The following IARS1 variants were observed in gnomAD, a reference collection of about 807,000 sequenced individuals.
IARS1 encodes isoleucine--tRNA ligase, cytoplasmic.
IARS1 carries 124 observed loss-of-function variants against 168.2 expected under a neutral mutation model. The ratio of observed to expected loss-of-function variants is 0.74; its 90% confidence interval spans 0.64 to 0.86. The LOEUF is 0.86. Among genes scored for constraint, IARS1 ranks in the 40% least tolerant of loss-of-function variants. The pLI, the probability that IARS1 is intolerant of heterozygous loss-of-function variation, is 0.00. For missense variants in IARS1, 1,452 were observed against 1,515.8 expected (o/e 0.96, Z 0.70); for synonymous variants, 532 against 529.4 (o/e 1.00, Z -0.07).
chr9:92,273,044 A>AT, intron 10 of IARS1, among the ~76,000 whole-genome samples: 1 of 151,062 alleles, frequency 6.6e-6, no homozygotes, highest in African/African-American at 2.4e-5. Flanking sequence ...AGGCAGGAGA[A>AT]TCGCTTGAAC....
chr9:92,292,128 C>T (rs1255002613), intron 1 of IARS1, among the ~76,000 whole-genome samples: 1 of 151,184 alleles, frequency 6.6e-6, no homozygotes, highest in African/African-American at 2.4e-5. Context: ...GGTGTTCCTC[C>T]CAGTTTAGCC....
At chr9:92,259,355 T>A (rs1831197423) in intron 18 of IARS1, among the ~76,000 whole-genome samples, 1 of 152,136 alleles carries the variant, frequency 6.6e-6, no homozygotes, top group Non-Finnish European at 1.5e-5. Context: ...GGACACGACC[T>A]GCATCTGCTG....
At chr9:92,272,008 A>T (rs549350267) in intron 10 of IARS1, among the ~76,000 whole-genome samples, 1 of 152,362 alleles carries the variant, frequency 6.6e-6, no homozygotes, top group Non-Finnish European at 1.5e-5. Flanking sequence ...CCACACAGGA[A>T]TGTTTTAAAA....
At chr9:92,268,643 A>G (rs1832623143) in intron 13 of IARS1, among the ~76,000 whole-genome samples, 1 of 152,162 alleles carries the variant, frequency 6.6e-6, no homozygotes, top group Admixed American at 6.5e-5. Context: ...TCACCATAGC[A>G]GTTTTTCTGA....
At chr9:92,254,863 C>T (rs192476933) in intron 20 of IARS1, among the ~76,000 whole-genome samples, 23 of 152,296 alleles carry the variant, frequency 1.5e-4, no homozygotes, top group Admixed American at 1.4e-3. Flanking sequence ...GACTTAAACA[C>T]GGCCCACAAA....
intron 20 of IARS1, among the ~76,000 whole-genome samples, chr9:92,254,867 C>T (rs920995943): frequency 3.3e-5 from 5 of 152,146 alleles, no homozygotes; most frequent in African/African-American, 1.2e-4. Context: ...TAAACACGGC[C>T]CACAAAACGT....
In IARS1 at chr9:92,256,183, C is replaced by CT. The variant is rs773558436; in HGVS notation, c.2137+496dup. On this transcript the variant is annotated intron_variant, in intron 20 of 33. Transcript: ENST00000443024. ...CCCCTAAAGACAGAATTCCCCAGGGCTTTTTTTTTTTTTTTAAGATGGAGT... is the reference window on the plus strand; with the variant it reads ...CCCCTAAAGACAGAATTCCCCAGGGCTTTTTTTTTTTTTTTTAAGATGGAGT... 2.2e-3 allele frequency among the ~76,000 whole-genome samples: 300 copies of CT among 138,244 alleles called. 1 individual carries two copies. The highest frequency in any genetic ancestry group is 4.1e-3 in the East Asian group (20 of 4,836). 90.7% of individuals were successfully genotyped at this position (138,244 alleles called of 152,430 possible).
intron 9 of IARS1, among the ~76,000 whole-genome samples, chr9:92,276,357 A>C (rs1833773848): frequency 6.6e-6 from 1 of 152,220 alleles, no homozygotes; most frequent in African/African-American, 2.4e-5. Context: ...ATATGTCTAA[A>C]GTAATGTGGG....
At chr9:92,283,409 T>C (rs776889045) in intron 6 of IARS1, among the ~76,000 whole-genome samples, 11 of 152,126 alleles carry the variant, frequency 7.2e-5, no homozygotes, top group Non-Finnish European at 1.5e-4. Context: ...TTTGGGAGGC[T>C]GAGGCAGGTG....
At chr9:92,210,951 A>T (rs1375127062) in intron 33 of IARS1, 62 bp from the exon 34 acceptor site, 3 of 1,064,634 alleles carry the variant, frequency 2.8e-6, no homozygotes, top group Non-Finnish European at 4.4e-6. Context: ...GTGAATATTT[A>T]AAAAAATGTT....
chr9:92,285,022 A>T (rs1213501635), intron 6 of IARS1, among the ~76,000 whole-genome samples: 1 of 152,224 alleles, frequency 6.6e-6, no homozygotes, highest in Non-Finnish European at 1.5e-5. Context: ...ACGTGCTTTG[A>T]AAGGCAAATT....
chr9:92,276,802 A>G (rs988899477), intron 9 of IARS1, among the ~76,000 whole-genome samples: 1 of 152,186 alleles, frequency 6.6e-6, no homozygotes, highest in Non-Finnish European at 1.5e-5. Context: ...CCTCTTTGAC[A>G]CTATTCTTTC....
chr9:92,285,226 G>A (rs887577662), intron 6 of IARS1, among the ~76,000 whole-genome samples: 3 of 152,158 alleles, frequency 2.0e-5, no homozygotes, highest in African/African-American at 7.2e-5. Context: ...AATACACTCT[G>A]TAAACATCAA....
intron 2 of IARS1, 95 bp downstream of exon 2, chr9:92,289,206 C>G: frequency 3.1e-6 from 1 of 324,278 alleles, no homozygotes; most frequent in Non-Finnish European, 5.5e-6. Flanking sequence ...GACTCCATCT[C>G]AAAAAAAAAA....
intron 9 of IARS1, among the ~76,000 whole-genome samples, chr9:92,276,421 TA>T (rs1305576871): frequency 5.9e-5 from 9 of 152,196 alleles, no homozygotes; most frequent in African/African-American, 2.2e-4. Context: ...GGGCACGTCC[TA>T]ATTGCTGGTA....
At chr9:92,224,816 G>A (rs1825380712) in intron 31 of IARS1, among the ~76,000 whole-genome samples, 1 of 150,452 alleles carries the variant, frequency 6.6e-6, no homozygotes, top group African/African-American at 2.5e-5. Context: ...CTGAGTGATC[G>A]AGTGAGACCC....
At chr9:92,219,982 G>A (rs1170456871) in intron 33 of IARS1, among the ~76,000 whole-genome samples, 14 of 149,428 alleles carry the variant, frequency 9.4e-5, no homozygotes, top group Non-Finnish European at 1.6e-4. Flanking sequence ...TGTTTATTGC[G>A]GCATTATTCA....
At chr9:92,244,056 T>A (rs1247524268) in intron 27 of IARS1, among the ~76,000 whole-genome samples, 1 of 152,018 alleles carries the variant, frequency 6.6e-6, no homozygotes, top group Non-Finnish European at 1.5e-5. Context: ...GGTAGTGAAA[T>A]GCATGATAAA....
intron 33 of IARS1, among the ~76,000 whole-genome samples, chr9:92,211,788 C>A (rs139693843): frequency 6.6e-6 from 1 of 152,124 alleles, no homozygotes; most frequent in African/African-American, 2.4e-5. Flanking sequence ...CTATTTTCTA[C>A]GTCTGGAGAA....
Sources: allele counts gnomAD v4.1 joint callset (sites outside exome capture counted in the v4.1 genomes callset), GRCh38; gene constraint gnomAD v4.1.1; transcripts MANE v1.5; gene names NCBI Gene and HGNC (gene_info 2026-07-23, HGNC 2026-07-21).